BABAM2: variants seen among roughly 807,000 people sequenced by gnomAD.
The protein encoded by BABAM2 is BRISC and BRCA1 A complex member 2.
A neutral mutation model predicts 54.7 loss-of-function variants in BABAM2; 31 were observed. That is an observed-to-expected ratio of 0.57 (90% CI 0.43 to 0.77). The LOEUF is 0.77. Ranked by LOEUF, BABAM2 falls within the 30% of genes least tolerant of loss-of-function variation. The probability of loss-of-function intolerance (pLI) is 0.00; values close to 1 mark genes in which losing one functional copy is unlikely to be tolerated. For synonymous variants in BABAM2, 167 were observed against 162.9 expected (o/e 1.03, Z -0.19); for missense variants, 364 against 455.8 (o/e 0.80, Z 1.83).
intron 7 of BABAM2, among the ~76,000 whole-genome samples, chr2:28,232,639 G>GGCAATTGTAACACAATGGTAAGTATTAT (rs1429401303): frequency 2.6e-5 from 4 of 152,158 alleles, no homozygotes; most frequent in African/African-American, 4.8e-5. Context: ...GAATACTACA[G>GGCAATTGTAACACAATGGTAAGTATTAT]GCAATTGTAA....
chr2:28,298,361 C>T lies in BABAM2; in HGVS notation c.958C>T (p.Arg320Ter), dbSNP rs140276316. 4 of 1,613,948 alleles carry T rather than the reference C, an allele frequency of 2.5e-6. No homozygotes were observed. The highest frequency in any genetic ancestry group is 2.2e-5 in the South Asian group (2 of 91,038). ...AGTTGACCTGCCTCTGTTTTTCCCT[C>T]GAGACCAGCCAACTCTCACATTTCA... ...VHIDLPLFFP[R>*]DQPTLTFQSV... The change falls in exon 11 of 12, where the codon CGA (arginine) becomes TGA (stop). Residue 320 changes from arginine (R) to a stop codon, truncating the protein, a stop_gained. Transcript: ENST00000379624. LOFTEE classifies it high-confidence loss of function.
chr2:28,219,136 G>T (rs1032405632), intron 7 of BABAM2, among the ~76,000 whole-genome samples: 2 of 152,166 alleles, frequency 1.3e-5, no homozygotes, highest in South Asian at 2.1e-4. Flanking sequence ...GGTGCCAGTG[G>T]GCCGCATTCC....
In BABAM2 at chr2:28,025,551, A is replaced by ATTTAGAGTTTAAAGAGACCTTAATG. The variant is rs1377525115; in HGVS notation, c.495+135_495+159dup. On this transcript the variant is annotated intron_variant, in intron 5 of 11. Transcript: ENST00000379624. ...CCAGGTAGCCTATATGTTTCTCATA[A>ATTTAGAGTTTAAAGAGACCTTAATG]TTTAGAGTTTAAAGAGACCTTAATG... 1.2e-5 allele frequency: 11 copies of ATTTAGAGTTTAAAGAGACCTTAATG among 903,444 alleles called. No homozygotes were observed. In the African/African-American group the frequency reaches 1.9e-4, roughly 16 times the overall value. The allele number at this position is 903,444 out of a possible 1,614,324, so 56.0% of individuals were successfully genotyped here. A position where few individuals can be genotyped will look rare whatever the true frequency, so the allele number is the denominator to read the frequency against.
At chr2:27,994,503 C>T (rs1672996745) in intron 4 of BABAM2, among the ~76,000 whole-genome samples, 1 of 152,216 alleles carries the variant, frequency 6.6e-6, no homozygotes, top group Non-Finnish European at 1.5e-5. Context: ...AGAGTAAACA[C>T]TATGCTGACT....
chr2:28,313,885 G>A (rs528148541), intron 11 of BABAM2, among the ~76,000 whole-genome samples: 21 of 152,218 alleles, frequency 1.4e-4, no homozygotes, highest in African/African-American at 4.8e-4. Flanking sequence ...GGCTGTCCAC[G>A]GCATTAACTA....
intron 7 of BABAM2, among the ~76,000 whole-genome samples, chr2:28,221,187 ACTT>A (rs957710233): frequency 2.0e-5 from 3 of 150,878 alleles, no homozygotes; most frequent in African/African-American, 7.3e-5. Context: ...TTCCCTCTAA[ACTT>A]CTCCCCTTTC....
At position 27,955,096 on chromosome 2, in the gene BABAM2, T is replaced by A. The variant is rs143704406; in HGVS notation, c.205+25188T>A. Among the ~76,000 whole-genome samples the A allele has an allele frequency of 2.1e-4, 32 of 152,338 alleles. 1 individual carries two copies. Among genetic ancestry groups the A allele is most frequent in the African/African-American group, 7.0e-4 (29 of 41,578 alleles). On this transcript the variant is annotated intron_variant, in intron 3 of 11. Coordinates refer to ENST00000379624, the MANE Select transcript of BABAM2 (RefSeq NM_199191.3). Reference sequence around the variant, plus strand: ...TTTTCAGACTGCTCTCTCAGAAATGTAACTCTTCCTACAAAGGAAGATGAT... The same window carrying A: ...TTTTCAGACTGCTCTCTCAGAAATGAAACTCTTCCTACAAAGGAAGATGAT...
At chr2:27,964,375 GA>G in intron 3 of BABAM2, among the ~76,000 whole-genome samples, 1 of 152,314 alleles carries the variant, frequency 6.6e-6, no homozygotes, top group African/African-American at 2.4e-5. Context: ...ACACAAAACA[GA>G]TGAAGACATC....
Position 28,199,883 on chromosome 2 carries a change from C to G in BABAM2, c.681-37319C>G, listed in dbSNP as rs147967109. Among the ~76,000 whole-genome samples, 149 of 152,112 alleles carry G rather than the reference C, an allele frequency of 9.8e-4. 2 individuals carry two copies. The East Asian group carries it at 0.025, about 26-fold the overall frequency. On this transcript the variant is annotated intron_variant, in intron 7 of 11. Transcript: ENST00000379624. ...AAGTGATCCTTATCTAGGATTGGCA[C>G]CAAGGCATTGTGTGGAGCTGGACGG...
chr2:28,300,582 G>T (rs1322495346), intron 11 of BABAM2, among the ~76,000 whole-genome samples: 1 of 152,136 alleles, frequency 6.6e-6, no homozygotes, highest in Non-Finnish European at 1.5e-5. Context: ...CATTATTTGT[G>T]GTACGTGCTG....
chr2:27,909,003 C>T (rs1482618376), intron 2 of BABAM2, among the ~76,000 whole-genome samples: 2 of 151,844 alleles, frequency 1.3e-5, no homozygotes, highest in Non-Finnish European at 2.9e-5. Flanking sequence ...TTTGTATTTC[C>T]CTAATGTTTA....
At chr2:28,010,554 G>A (rs1674313527) in intron 4 of BABAM2, among the ~76,000 whole-genome samples, 1 of 152,060 alleles carries the variant, frequency 6.6e-6, no homozygotes, top group Admixed American at 6.6e-5. Context: ...TTCCCCTAAA[G>A]AGGTAAAAGG....
At chr2:27,889,638 G>A (rs980916881), upstream of BABAM2, among the ~76,000 whole-genome samples, 9 of 152,142 alleles carry the variant, frequency 5.9e-5, no homozygotes, top group African/African-American at 2.2e-4. Flanking sequence ...GTTTTCAGAG[G>A]TTGTAAATAC....
chr2:28,309,827 G>A, intron 11 of BABAM2: 1 of 457,278 alleles, frequency 2.2e-6, no homozygotes, highest in Non-Finnish European at 4.0e-6. Flanking sequence ...GGCCAACATA[G>A]CTCGGGTGAT....
At chr2:28,147,299 C>G (rs193147455) in intron 7 of BABAM2, among the ~76,000 whole-genome samples, 196 of 152,240 alleles carry the variant, frequency 1.3e-3, no homozygotes, top group Non-Finnish European at 2.1e-3. Flanking sequence ...TCTTAATGTT[C>G]TTTTACATCA....
intron 2 of BABAM2, among the ~76,000 whole-genome samples, chr2:27,904,482 TA>T (rs1374978718): frequency 6.6e-6 from 1 of 152,184 alleles, no homozygotes; most frequent in Non-Finnish European, 1.5e-5. Flanking sequence ...TGCTGCCTGA[TA>T]ACACTACAGT....
At chr2:28,088,730 T>C (rs1195390485) in intron 6 of BABAM2, among the ~76,000 whole-genome samples, 90 of 152,202 alleles carry the variant, frequency 5.9e-4, no homozygotes, top group Admixed American at 5.9e-3. Context: ...GATTTCAATG[T>C]ATTGCTGAGG....
chr2:27,929,791 TAAAA>T, intron 2 of BABAM2, 37 bp from the exon 3 acceptor site: 1 of 1,578,832 alleles, frequency 6.3e-7, no homozygotes, highest in Non-Finnish European at 8.7e-7. Context: ...AGTTTGTTTT[TAAAA>T]AATCTTTTCT....
At chr2:28,108,058 T>G (rs926788424) in intron 6 of BABAM2, among the ~76,000 whole-genome samples, 2 of 152,156 alleles carry the variant, frequency 1.3e-5, no homozygotes, top group Non-Finnish European at 2.9e-5. Context: ...ATTATTTTGC[T>G]GTTCCGTTTT....
Sources: gnomAD v4.1 joint callset for allele counts (sites outside exome capture counted in the v4.1 genomes callset) on GRCh38, gnomAD v4.1.1 for gene constraint, MANE v1.5 for transcripts, NCBI Gene and HGNC (gene_info 2026-07-23, HGNC 2026-07-21) for gene names.